Variants in MMP16 observed in about 807,000 individuals in gnomAD.
MMP16 encodes matrix metalloproteinase-16.
In MMP16, 12 loss-of-function variants were observed where a neutral mutation model predicts 67.8. That is an observed-to-expected ratio of 0.18 (90% CI 0.11 to 0.29). MMP16 has a LOEUF of 0.29. Ranked by LOEUF, MMP16 falls within the 10% of genes least tolerant of loss-of-function variation. The pLI is 1.00. For synonymous variants in MMP16, 249 were observed against 255.9 expected (o/e 0.97, Z 0.26); for missense variants, 475 against 765.7 (o/e 0.62, Z 4.48).
intron 1 of MMP16, among the ~76,000 whole-genome samples, chr8:88,254,702 T>A (rs1810275551): frequency 6.6e-6 from 1 of 151,992 alleles, no homozygotes; most frequent in South Asian, 2.1e-4. Context: ...AAAAATAAGA[T>A]AAACCTGAGA....
chr8:88,168,282 G>C (rs1019527040), intron 3 of MMP16, among the ~76,000 whole-genome samples: 23 of 152,076 alleles, frequency 1.5e-4, no homozygotes, highest in African/African-American at 5.3e-4. Context: ...TTTGCCACAT[G>C]ACCAAAGAGG....
chr8:88,160,154 A>G (rs1802988654), intron 4 of MMP16, among the ~76,000 whole-genome samples: 1 of 151,696 alleles, frequency 6.6e-6, no homozygotes, highest in Non-Finnish European at 1.5e-5. Context: ...CCAGAGTGTC[A>G]TGTTCCCCTT....
intron 1 of MMP16, among the ~76,000 whole-genome samples, chr8:88,217,804 C>A (rs1809618138): frequency 6.6e-6 from 1 of 151,868 alleles, no homozygotes; most frequent in African/African-American, 2.4e-5. Context: ...CATATTTGAA[C>A]ATTACATAAT....
At chr8:88,290,030 A>C (rs1810898509) in intron 1 of MMP16, among the ~76,000 whole-genome samples, 1 of 152,134 alleles carries the variant, frequency 6.6e-6, no homozygotes, top group African/African-American at 2.4e-5. Context: ...ACTGGGTGAC[A>C]CAAATTTTTT....
chr8:88,223,955 G>A (rs765437020), intron 1 of MMP16, among the ~76,000 whole-genome samples: 3 of 151,986 alleles, frequency 2.0e-5, no homozygotes, highest in Non-Finnish European at 4.4e-5. Context: ...TGACCTCTAG[G>A]AATGTGATGA....
intron 6 of MMP16, among the ~76,000 whole-genome samples, chr8:88,116,101 A>T (rs960339023): frequency 1.3e-5 from 2 of 152,130 alleles, no homozygotes; most frequent in African/African-American, 2.4e-5. Context: ...TTTAGTAGTC[A>T]AATGAAATTA....
At chr8:88,298,218 A>C (rs1811041521) in intron 1 of MMP16, among the ~76,000 whole-genome samples, 1 of 151,222 alleles carries the variant, frequency 6.6e-6, no homozygotes, top group Admixed American at 6.6e-5. Flanking sequence ...TTCAGTTAAA[A>C]CTAATAACAA....
At chr8:88,097,942 A>T (rs545211791) in intron 6 of MMP16, among the ~76,000 whole-genome samples, 68 of 152,036 alleles carry the variant, frequency 4.5e-4, no homozygotes, top group African/African-American at 1.6e-3. Context: ...CCAGATTGCC[A>T]GGTCCTGCCC....
At chr8:88,190,047 T>C (rs565977413) in intron 2 of MMP16, among the ~76,000 whole-genome samples, 4 of 152,320 alleles carry the variant, frequency 2.6e-5, no homozygotes, top group Admixed American at 2.6e-4. Context: ...GCTCTGTGCT[T>C]TGAACAAATG....
At chr8:88,088,099 C>CTATATATCTATATAATAGATA (rs1563528024) in intron 6 of MMP16, among the ~76,000 whole-genome samples, 5 of 140,248 alleles carry the variant, frequency 3.6e-5, no homozygotes, top group African/African-American at 1.5e-4. Flanking sequence ...TAATAGATAT[C>CTATATATCTATATAATAGATA]TGCTGACTGT....
intron 1 of MMP16, among the ~76,000 whole-genome samples, chr8:88,241,945 T>C (rs1810040377): frequency 6.6e-6 from 1 of 152,200 alleles, no homozygotes; most frequent in African/African-American, 2.4e-5. Context: ...AAGGGCAATA[T>C]GATTTACATA....
chr8:88,165,025 C>A (rs1808688578), intron 4 of MMP16, among the ~76,000 whole-genome samples: 1 of 151,352 alleles, frequency 6.6e-6, no homozygotes, highest in Non-Finnish European at 1.5e-5. Flanking sequence ...TAGATTTTTT[C>A]CCCAAAACAT....
At chr8:88,097,904 C>A (rs183874620) in intron 6 of MMP16, among the ~76,000 whole-genome samples, 1 of 151,910 alleles carries the variant, frequency 6.6e-6, no homozygotes, top group Admixed American at 6.6e-5. Context: ...TGGAGTTAGA[C>A]AAACTGTGAG....
At chr8:88,225,460 A>G (rs529767949) in intron 1 of MMP16, among the ~76,000 whole-genome samples, 9 of 152,124 alleles carry the variant, frequency 5.9e-5, no homozygotes, top group Non-Finnish European at 8.8e-5. Flanking sequence ...TACTAAAAAT[A>G]CTTTTGCTTT....
At chr8:88,232,397 G>C (rs1409023424) in intron 1 of MMP16, among the ~76,000 whole-genome samples, 1 of 152,100 alleles carries the variant, frequency 6.6e-6, no homozygotes, top group Non-Finnish European at 1.5e-5. Flanking sequence ...TAGTTTGCAA[G>C]TTTGGCAGAA....
chr8:88,298,229 C>A (rs1811041751), intron 1 of MMP16, among the ~76,000 whole-genome samples: 1 of 141,846 alleles, frequency 7.0e-6, no homozygotes, highest in South Asian at 2.1e-4. Flanking sequence ...CTAATAACAA[C>A]CATAAAACAT....
At chr8:88,173,739 T>G (rs1276617334) in intron 3 of MMP16, among the ~76,000 whole-genome samples, 2 of 152,214 alleles carry the variant, frequency 1.3e-5, no homozygotes, top group Non-Finnish European at 2.9e-5. Flanking sequence ...GTCTAATTAA[T>G]GGAGCTTCAC....
intron 4 of MMP16, among the ~76,000 whole-genome samples, chr8:88,165,018 A>AT (rs1428332140): frequency 1.3e-5 from 2 of 151,620 alleles, no homozygotes; most frequent in African/African-American, 2.4e-5. Flanking sequence ...CTCCCTGTAG[A>AT]TTTTTTCCCC....
chr8:88,097,382 T>C (rs991528219), intron 6 of MMP16, among the ~76,000 whole-genome samples: 8 of 151,578 alleles, frequency 5.3e-5, no homozygotes, highest in Non-Finnish European at 1.5e-5. Flanking sequence ...AATACTAACT[T>C]TGGGAGGCTG....
Sources: allele counts gnomAD v4.1 joint callset (sites outside exome capture counted in the v4.1 genomes callset), GRCh38; gene constraint gnomAD v4.1.1; transcripts MANE v1.5; gene names NCBI Gene and HGNC (gene_info 2026-07-23, HGNC 2026-07-21).